HDAC9: variants seen among roughly 807,000 people sequenced by gnomAD.
The protein encoded by HDAC9 is histone deacetylase 9, also known as MEF-2 interacting transcription repressor (MITR) protein.
A neutral mutation model predicts 139.4 loss-of-function variants in HDAC9; 41 were observed. The observed-to-expected ratio is 0.29, with a 90% CI of 0.23 to 0.38. The LOEUF (loss-of-function observed/expected upper bound fraction) is 0.38, where lower values mean the gene tolerates loss of function less well. Ranked by LOEUF, HDAC9 falls within the 10% of genes least tolerant of loss-of-function variation. The pLI, the probability that HDAC9 is intolerant of heterozygous loss-of-function variation, is 1.00. For missense variants in HDAC9, 1,147 were observed against 1,297.0 expected (o/e 0.88, Z 1.78); for synonymous variants, 517 against 476.2 (o/e 1.09, Z -1.12).
intron 2 of HDAC9, among the ~76,000 whole-genome samples, chr7:18,535,921 A>G (rs1810752732): frequency 6.6e-6 from 1 of 152,150 alleles, no homozygotes; most frequent in African/African-American, 2.4e-5. Context: ...ATGGTAGCCA[A>G]AGCAACTCAC....
chr7:18,856,628 C>A (rs1007724556), intron 21 of HDAC9, among the ~76,000 whole-genome samples: 1 of 152,088 alleles, frequency 6.6e-6, no homozygotes, highest in Non-Finnish European at 1.5e-5. Context: ...TACAAATGTG[C>A]AAATGCATTA....
intron 6 of HDAC9, among the ~76,000 whole-genome samples, chr7:18,619,279 G>T (rs770347190): frequency 8.5e-5 from 13 of 152,152 alleles, no homozygotes; most frequent in Non-Finnish European, 1.8e-4. Flanking sequence ...AATTAGGGTA[G>T]TTGAGGTTCA....
At chr7:18,531,488 T>C (rs1432321263) in intron 2 of HDAC9, among the ~76,000 whole-genome samples, 3 of 152,054 alleles carry the variant, frequency 2.0e-5, no homozygotes, top group Non-Finnish European at 4.4e-5. Flanking sequence ...AAGAACCAAA[T>C]GAGAAATGTA....
chr7:18,618,293 A>AAG (rs1400763388), intron 6 of HDAC9, among the ~76,000 whole-genome samples: 8 of 152,158 alleles, frequency 5.3e-5, no homozygotes, highest in African/African-American at 1.9e-4. Flanking sequence ...CAGCGACATT[A>AAG]AATATTTTAC....
At chr7:18,128,156 C>T (rs912392050) in intron 1 of HDAC9, among the ~76,000 whole-genome samples, 4 of 152,112 alleles carry the variant, frequency 2.6e-5, no homozygotes, top group East Asian at 1.9e-4. Context: ...ATGTTCTCTG[C>T]CCAAACTCTA....
chr7:18,869,147 G>GGGGT (rs869054896), intron 21 of HDAC9, among the ~76,000 whole-genome samples: 4 of 138,224 alleles, frequency 2.9e-5, no homozygotes, highest in South Asian at 2.4e-4. Context: ...TCACAATTGG[G>GGGGT]GTGTGTGTGT....
At chr7:18,834,443 G>T (rs1226050228) in intron 19 of HDAC9, among the ~76,000 whole-genome samples, 2 of 147,034 alleles carry the variant, frequency 1.4e-5, no homozygotes, top group African/African-American at 2.5e-5. Context: ...TAGTTCTATT[G>T]ACTTTTTCAT....
At chr7:18,930,298 C>T (rs894620835) in intron 22 of HDAC9, among the ~76,000 whole-genome samples, 1 of 152,136 alleles carries the variant, frequency 6.6e-6, no homozygotes, top group African/African-American at 2.4e-5. Flanking sequence ...TGAGGAAGGT[C>T]TGTGCTAAAA....
chr7:18,620,227 T>C (rs899987931), intron 6 of HDAC9, among the ~76,000 whole-genome samples: 1 of 151,982 alleles, frequency 6.6e-6, no homozygotes, highest in East Asian at 1.9e-4. Context: ...TTTCTCAATA[T>C]TATTATTCAA....
intron 8 of HDAC9, among the ~76,000 whole-genome samples, chr7:18,639,005 G>C (rs556383463): frequency 1.5e-3 from 230 of 152,106 alleles, no homozygotes; most frequent in Non-Finnish European, 2.6e-3. Flanking sequence ...AGATTTATTT[G>C]ATAGCTATTT....
At chr7:18,181,130 T>G (rs1789397031) in intron 2 of HDAC9, among the ~76,000 whole-genome samples, 1 of 152,200 alleles carries the variant, frequency 6.6e-6, no homozygotes, top group South Asian at 2.1e-4. Context: ...AGAGGTAACA[T>G]TCACAAGTTC....
At chr7:18,340,579 A>G (rs1404994073) in intron 1 of HDAC9, among the ~76,000 whole-genome samples, 1 of 151,540 alleles carries the variant, frequency 6.6e-6, no homozygotes, top group African/African-American at 2.4e-5. Flanking sequence ...ACATCTTTAA[A>G]TTGTAATCTA....
At chr7:18,583,698 G>A (rs181467866) in intron 2 of HDAC9, among the ~76,000 whole-genome samples, 3 of 152,274 alleles carry the variant, frequency 2.0e-5, no homozygotes, top group Admixed American at 2.0e-4. Flanking sequence ...AGACTGCAGT[G>A]AGCTATGATT....
In HDAC9 at chr7:18,762,208, G is replaced by A; in HGVS notation, c.2095G>A (p.Glu699Lys). 2 of 1,613,588 alleles carry A rather than the reference G, an allele frequency of 1.2e-6. No homozygotes were observed. Among genetic ancestry groups the A allele is most frequent in the Non-Finnish European group, 1.7e-6 (2 of 1,179,696 alleles). The part of the protein sequence containing the change: ...SLEEIQLVHS[E>K]HHSLLYGTNP... ...GGAGGAAATACAGCTTGTTCATTCT[G>A]AACATCACTCACTGTTGTATGGCAC... Residue 699 changes from glutamate to lysine, a missense_variant, in exon 15 of 26, where the codon GAA becomes AAA. Glu to Lys is a moderately conservative substitution (Grantham distance 56). Around this residue, in one of 7 missense-constraint regions of HDAC9, gnomAD observed 407 missense variants for 521.5 expected, o/e 0.78. Coordinates refer to ENST00000686413, the MANE Select transcript of HDAC9 (RefSeq NM_178425.4).
intron 8 of HDAC9, among the ~76,000 whole-genome samples, chr7:18,639,111 T>A (rs1784777307): frequency 6.6e-6 from 1 of 152,090 alleles, no homozygotes; most frequent in South Asian, 2.1e-4. Context: ...CAGATACAAA[T>A]GCTTTTAAAA....
chr7:18,914,712 G>C (rs187548971), intron 22 of HDAC9, among the ~76,000 whole-genome samples: 3 of 137,424 alleles, frequency 2.2e-5, no homozygotes, highest in African/African-American at 7.6e-5. Flanking sequence ...TTGATGTATT[G>C]AGTTGGAACT....
At chr7:18,754,471 A>G (rs111974839) in intron 14 of HDAC9, among the ~76,000 whole-genome samples, 7 of 152,136 alleles carry the variant, frequency 4.6e-5, no homozygotes, top group African/African-American at 1.7e-4. Context: ...ACCCACAGAC[A>G]TTTGCTTGCT....
intron 14 of HDAC9, among the ~76,000 whole-genome samples, chr7:18,761,050 C>G (rs535680544): frequency 1.4e-4 from 22 of 152,312 alleles, no homozygotes; most frequent in African/African-American, 5.3e-4. Context: ...CACTGTTGTT[C>G]TGTACTTCAA....
At chr7:18,894,184 A>G (rs959786021) in intron 22 of HDAC9, among the ~76,000 whole-genome samples, 1 of 152,112 alleles carries the variant, frequency 6.6e-6, no homozygotes, top group East Asian at 1.9e-4. Context: ...AAAGATGTGG[A>G]AAAAGGTTTA....
Sources: gnomAD v4.1 joint callset for allele counts (sites outside exome capture counted in the v4.1 genomes callset) on GRCh38, gnomAD v4.1.1 for gene constraint, gnomAD v4.1.1 regional missense constraint, MANE v1.5 for transcripts, NCBI Gene and HGNC (gene_info 2026-07-23, HGNC 2026-07-21) for gene names.